Variants in FRMD4B observed in about 807,000 individuals in gnomAD.
The protein encoded by FRMD4B is FERM domain containing 4B, also known as FERM domain-containing protein 4B.
A neutral mutation model predicts 141.5 loss-of-function variants in FRMD4B; 74 were observed. The observed-to-expected ratio is 0.52, with a 90% CI of 0.43 to 0.63. FRMD4B has a LOEUF of 0.63. Among genes scored for constraint, FRMD4B ranks in the 30% least tolerant of loss-of-function variants. The probability of loss-of-function intolerance (pLI) is 0.00; values close to 1 mark genes in which losing one functional copy is unlikely to be tolerated. For missense variants in FRMD4B, 1,366 were observed against 1,253.4 expected, an observed-to-expected ratio of 1.09 and a Z score of -1.36; for synonymous variants, 506 against 467.9, an observed-to-expected ratio of 1.08 and a Z score of -1.05.
At chr3:69,182,195 C>T (rs532736707) in intron 20 of FRMD4B, among the ~76,000 whole-genome samples, 1 of 152,240 alleles carries the variant, frequency 6.6e-6, no homozygotes, top group East Asian at 1.9e-4. Context: ...ATCTTGCTTC[C>T]TCCTTTGTAA....
At chr3:69,306,529 C>G (rs1306498400) in intron 3 of FRMD4B, 1 of 152,166 alleles carries the variant, frequency 6.6e-6, no homozygotes, top group African/African-American at 2.4e-5. Context: ...AGGACTGGTG[C>G]CTCAGGAGGG....
intron 1 of FRMD4B, among the ~76,000 whole-genome samples, chr3:69,513,704 T>C (rs1353310934): frequency 3.3e-5 from 5 of 151,802 alleles, no homozygotes; most frequent in African/African-American, 1.2e-4. Flanking sequence ...GGCAACCAAG[T>C]GAGATTTATT....
intron 5 of FRMD4B, among the ~76,000 whole-genome samples, chr3:69,282,239 G>T (rs1443622642): frequency 1.3e-5 from 2 of 152,180 alleles, no homozygotes; most frequent in Admixed American, 6.5e-5. Context: ...GTGGAAGGAA[G>T]GAAGTAGCTG....
At chr3:69,441,608 T>A (rs1705345606) in intron 1 of FRMD4B, among the ~76,000 whole-genome samples, 1 of 152,184 alleles carries the variant, frequency 6.6e-6, no homozygotes, top group Non-Finnish European at 1.5e-5. Context: ...AAGCTCCACA[T>A]GATTGAGGAC....
intron 3 of FRMD4B, chr3:69,310,496 C>T (rs1049997378): frequency 4.4e-6 from 2 of 455,180 alleles, no homozygotes; most frequent in African/African-American, 4.0e-5. Flanking sequence ...TATCGGGCTG[C>T]ATAAAATGTA....
chr3:69,241,592 T>G (rs1284982186), intron 7 of FRMD4B, among the ~76,000 whole-genome samples: 2 of 136,974 alleles, frequency 1.5e-5, no homozygotes, highest in African/African-American at 5.7e-5. Flanking sequence ...CAAATTTGTG[T>G]TGGGATACAA....
chr3:69,181,164 G>A lies in FRMD4B; in HGVS notation c.2586C>T (p.Val862=), dbSNP rs1352346022. 4.3e-6 allele frequency: 7 copies of A among 1,613,922 alleles called. No homozygotes were observed. The highest frequency in any genetic ancestry group is 1.7e-5 in the Admixed American group (1 of 60,022). ...DYSRSFHEDE[V]DRVPHNPYAT... is the part of the protein sequence containing the mutation. Reference sequence around the variant, plus strand: ...CATATGGGTTATGGGGTACCCGGTCGACCTCATCTTCGTGAAAGGATCTGC... The same window carrying A: ...CATATGGGTTATGGGGTACCCGGTCAACCTCATCTTCGTGAAAGGATCTGC... Residue 862 remains valine, a synonymous_variant, in exon 21 of 23, where the codon GTC becomes GTT. Transcript: ENST00000398540.
At chr3:69,320,667 C>A (rs1377630056) in intron 1 of FRMD4B, among the ~76,000 whole-genome samples, 2 of 152,110 alleles carry the variant, frequency 1.3e-5, no homozygotes, top group African/African-American at 4.8e-5. Flanking sequence ...ATTTCTGAAC[C>A]CCCAGAGACC....
intron 2 of FRMD4B, among the ~76,000 whole-genome samples, chr3:69,429,829 T>G (rs1705147761): frequency 6.7e-6 from 1 of 149,798 alleles, no homozygotes; most frequent in South Asian, 2.1e-4. Context: ...GCATGATCTC[T>G]GCTCACTGCA....
At chr3:69,211,022 C>CAAAAAAAA (rs1559720205) in intron 11 of FRMD4B, among the ~76,000 whole-genome samples, 6 of 3,372 alleles carry the variant, frequency 1.8e-3, no homozygotes, top group African/African-American at 2.9e-3. Context: ...AATGCCATCT[C>CAAAAAAAA]GAAAAAAAAA....
chr3:69,411,864 A>C (rs1350390523), intron 2 of FRMD4B, among the ~76,000 whole-genome samples: 1 of 152,206 alleles, frequency 6.6e-6, no homozygotes, highest in Non-Finnish European at 1.5e-5. Context: ...AATCAGAACA[A>C]ACTCCTGACT....
intron 1 of FRMD4B, among the ~76,000 whole-genome samples, chr3:69,519,322 A>C (rs1167322238): frequency 6.6e-6 from 1 of 152,186 alleles, no homozygotes; most frequent in African/African-American, 2.4e-5. Flanking sequence ...TAGGTTGTGC[A>C]AAGGACCTCT....
chr3:69,455,479 G>A (rs988108496), intron 1 of FRMD4B, among the ~76,000 whole-genome samples: 1 of 152,218 alleles, frequency 6.6e-6, no homozygotes, highest in East Asian at 1.9e-4. Context: ...CTTGAGAGCT[G>A]TAAGGCTCAC....
intron 5 of FRMD4B, among the ~76,000 whole-genome samples, chr3:69,278,859 G>A (rs2093631076): frequency 6.6e-6 from 1 of 152,128 alleles, no homozygotes; most frequent in African/African-American, 2.4e-5. Flanking sequence ...AAAGTGCTGG[G>A]ATTAGAAGCA....
chr3:69,222,974 A>T (rs2093211840), intron 8 of FRMD4B, among the ~76,000 whole-genome samples: 1 of 152,230 alleles, frequency 6.6e-6, no homozygotes, highest in Non-Finnish European at 1.5e-5. Flanking sequence ...AGTGTTAGGC[A>T]TTAAAGACTT....
chr3:69,384,518 C>T (rs1704202343), intron 1 of FRMD4B, among the ~76,000 whole-genome samples: 1 of 152,264 alleles, frequency 6.6e-6, no homozygotes, highest in Non-Finnish European at 1.5e-5. Flanking sequence ...AGACACACTT[C>T]TGGCTCCAAA....
intron 2 of FRMD4B, among the ~76,000 whole-genome samples, chr3:69,395,238 TA>T (rs900368240): frequency 1.5e-4 from 23 of 152,132 alleles, no homozygotes; most frequent in African/African-American, 4.1e-4. Flanking sequence ...AATGAACAGT[TA>T]TTTTTTTTAT....
chr3:69,337,796 GT>G (rs1462886072), intron 1 of FRMD4B, among the ~76,000 whole-genome samples: 8 of 152,184 alleles, frequency 5.3e-5, no homozygotes, highest in Non-Finnish European at 1.2e-4. Context: ...TCATTAAAAA[GT>G]CAGGAAACAA....
At chr3:69,473,442 T>G (rs1705929570) in intron 1 of FRMD4B, among the ~76,000 whole-genome samples, 1 of 152,186 alleles carries the variant, frequency 6.6e-6, no homozygotes, top group Admixed American at 6.6e-5. Flanking sequence ...ATGCAGCACG[T>G]ATCTGAATCT....
Sources: allele counts gnomAD v4.1 joint callset (sites outside exome capture counted in the v4.1 genomes callset), GRCh38; gene constraint gnomAD v4.1.1; transcripts MANE v1.5; gene names NCBI Gene and HGNC (gene_info 2026-07-23, HGNC 2026-07-21).